The following CCNA2 variants were observed in gnomAD, a reference collection of about 807,000 sequenced individuals.
The protein encoded by CCNA2 is cyclin-A2.
Under a neutral mutation model 49.4 loss-of-function variants are expected in CCNA2, and 3 were observed. The observed-to-expected ratio is 0.06, with a 90% CI of 0.03 to 0.16. The LOEUF is 0.16. CCNA2 is among the 10% of genes least tolerant of loss of function. The probability of loss-of-function intolerance (pLI) is 1.00; values close to 1 mark genes in which losing one functional copy is unlikely to be tolerated. For synonymous variants in CCNA2, 206 were observed against 197.2 expected, an observed-to-expected ratio of 1.04 and a Z score of -0.37; for missense variants, 372 against 519.7, an observed-to-expected ratio of 0.72 and a Z score of 2.76.
At chr4:121,822,724 T>TC in intron 1 of CCNA2, 78 bp from the exon 2 acceptor site, 1 of 1,403,766 alleles carries the variant, frequency 7.1e-7, no homozygotes, top group South Asian at 1.3e-5. Context: ...CTTTGCTTTT[T>TC]CTCCCAAATA....
rs1160455397 is a variant in CCNA2, at chr4:121,820,426, CCTAAAGT to C, written c.794+109_794+115del. The C allele has an allele frequency of 4.4e-6, 3 of 686,198 alleles. No individual in the cohort carries two copies. The highest frequency in any genetic ancestry group is 3.6e-5 in the African/African-American group (2 of 55,200). 42.5% of individuals were successfully genotyped at this position (686,198 alleles called of 1,614,324 possible). ...CCCTAAGCCCCAGCACATTGCCATC[CCTAAAGT>C]AGTCACTGACTCTGCCTGGTGTATG... is the stretch of plus-strand genomic sequence containing the variant. On this transcript the variant is annotated intron_variant, in intron 4 of 7. Transcript: ENST00000274026. This position sits in a 1 kb window ranked among gnomAD's most constrained non-coding sequence, Gnocchi z 4.1.
intron 7 of CCNA2, 79 bp downstream of exon 7, chr4:121,817,965 C>G (rs1724589125): frequency 3.6e-6 from 5 of 1,392,204 alleles, no homozygotes; most frequent in East Asian, 2.3e-5. Context: ...ATGGCAGATT[C>G]ATGAATAAGG....
chr4:121,816,717 A>G lies in CCNA2; in HGVS notation c.*921T>C, dbSNP rs111499975. The G allele has an allele frequency of 1.6e-4, 238 of 1,495,024 alleles. No individual in the cohort carries two copies. In the African/African-American group the frequency reaches 2.8e-3, roughly 18 times the overall value. The allele number at this position is 1,495,024 out of a possible 1,614,324, so 92.6% of individuals were successfully genotyped here. ...AAAACTAAGAAATGCCTCTTATTTC[A>G]ATAATCCAAAACTTAACATACTCTT... On this transcript the variant is annotated 3_prime_UTR_variant, in exon 8 of 8. Transcript: ENST00000274026.
intron 6 of CCNA2, among the ~76,000 whole-genome samples, chr4:121,818,424 C>G (rs757281966): frequency 6.6e-6 from 1 of 152,166 alleles, no homozygotes; most frequent in Non-Finnish European, 1.5e-5. Context: ...TACTACCTAA[C>G]AAACACTGTT....
At chr4:121,823,085 A>C (rs374594775) in intron 1 of CCNA2, among the ~76,000 whole-genome samples, 22 of 152,272 alleles carry the variant, frequency 1.4e-4, no homozygotes, top group African/African-American at 5.3e-4. Flanking sequence ...TCAGAGTCCT[A>C]CAGCAGTGCC....
Position 121,820,911 on chromosome 4 carries a change from A to C in CCNA2, c.570+68T>G. The C allele has an allele frequency of 7.1e-7, 1 of 1,410,692 alleles. No individual in the cohort carries two copies. Among genetic ancestry groups the C allele is most frequent in the Non-Finnish European group, 9.9e-7 (1 of 1,007,550 alleles). The allele number at this position is 1,410,692 out of a possible 1,614,324, so 87.4% of individuals were successfully genotyped here. A position where few individuals can be genotyped will look rare whatever the true frequency, so the allele number is the denominator to read the frequency against. On this transcript the variant is annotated intron_variant, in intron 3 of 7. Transcript: ENST00000274026. The surrounding 1 kb of genome is among the most constrained non-coding windows in gnomAD (Gnocchi z 4.1). Reference sequence around the variant, plus strand: ...TCATTAGTTTAAAAATTTAAACATTATCCTCTCAATTTCATTTAGCCACAT... The same window carrying C: ...TCATTAGTTTAAAAATTTAAACATTCTCCTCTCAATTTCATTTAGCCACAT...
rs1724527944 is a variant in CCNA2 at position 121,816,713 on chromosome 4, T to C, written c.*925A>G. Reference sequence around the variant, plus strand: ...CTGGAAAACTAAGAAATGCCTCTTATTTCAATAATCCAAAACTTAACATAC... The same window carrying C: ...CTGGAAAACTAAGAAATGCCTCTTACTTCAATAATCCAAAACTTAACATAC... On this transcript the variant is annotated 3_prime_UTR_variant, in exon 8 of 8. Coordinates refer to ENST00000274026, the MANE Select transcript of CCNA2 (RefSeq NM_001237.5). 7.4e-6 allele frequency: 11 copies of C among 1,486,802 alleles called. No homozygotes were observed. Among genetic ancestry groups the C allele is most frequent in the South Asian group, 1.4e-5 (1 of 73,088 alleles). The allele number at this position is 1,486,802 out of a possible 1,614,324, so 92.1% of individuals were successfully genotyped here.
In CCNA2 at chr4:121,823,780, C is replaced by G. The variant is rs543567732; in HGVS notation, c.-152G>C. 1 of 1,390,924 alleles carries G rather than the reference C, an allele frequency of 7.2e-7. No homozygotes were observed. The highest frequency in any genetic ancestry group is 1.5e-5 in the African/African-American group (1 of 68,410). 86.2% of individuals were successfully genotyped at this position (1,390,924 alleles called of 1,614,324 possible). On this transcript the variant is annotated 5_prime_UTR_variant, in exon 1 of 8. Coordinates refer to ENST00000274026, the MANE Select transcript of CCNA2 (RefSeq NM_001237.5). ...CCTACCAGCCCGCCCGCTCGCTCAC[C>G]CAGCTCGAGACCACGCAGGGCCGAG...
At chr4:121,818,619 A>G (rs1027630180) in intron 6 of CCNA2, among the ~76,000 whole-genome samples, 181 bp downstream of exon 6, 3 of 152,200 alleles carry the variant, frequency 2.0e-5, no homozygotes, top group African/African-American at 7.2e-5. Context: ...TTGGAAAAAA[A>G]TCCATGTGTA....
At chr4:121,823,372 C>T in intron 1 of CCNA2, 44 bp downstream of exon 1, 1 of 1,562,012 alleles carries the variant, frequency 6.4e-7, no homozygotes, top group Non-Finnish European at 8.7e-7. Flanking sequence ...CAATGCCAAA[C>T]CCTGCTCGAC....
intron 2 of CCNA2, 101 bp downstream of exon 2, chr4:121,822,302 T>C: frequency 8.6e-7 from 1 of 1,166,034 alleles, no homozygotes; most frequent in Non-Finnish European, 1.2e-6. Context: ...TAACTCACTA[T>C]AGTCAAAATG....
chr4:121,816,572 G>A lies in CCNA2; in HGVS notation c.*1066C>T, dbSNP rs1392093817. 2 of 801,890 alleles carry A rather than the reference G, an allele frequency of 2.5e-6. No homozygotes were observed. Among genetic ancestry groups the A allele is most frequent in the Non-Finnish European group, 3.8e-6 (2 of 520,710 alleles). The allele number at this position is 801,890 out of a possible 1,614,324, so 49.7% of individuals were successfully genotyped here. A position where few individuals can be genotyped will look rare whatever the true frequency, so the allele number is the denominator to read the frequency against. ...AAAAAGACATCCCTTTTTCATTAGA[G>A]ATCCATCTGTTCTGTGATTTTTTTA... On this transcript the variant is annotated 3_prime_UTR_variant, in exon 8 of 8. Transcript: ENST00000274026.
rs1724659475 is a variant in CCNA2 at position 121,820,252 on chromosome 4, A to G, written c.794+290T>C. ...CACCGCACCCAGCCTTTACTTCTTA[A>G]TAAAAGAGACACTGCTTATATGCCA... is the stretch of plus-strand genomic sequence containing the variant. On this transcript the variant is annotated intron_variant, in intron 4 of 7. Coordinates refer to ENST00000274026, the MANE Select transcript of CCNA2 (RefSeq NM_001237.5). This position sits in a 1 kb window ranked among gnomAD's most constrained non-coding sequence, Gnocchi z 4.1. Among the ~76,000 whole-genome samples the G allele has an allele frequency of 6.6e-6, 1 of 152,086 alleles. No homozygotes were observed. Among genetic ancestry groups the G allele is most frequent in the Non-Finnish European group, 1.5e-5 (1 of 67,998 alleles).
At position 121,817,010 on chromosome 4, in the gene CCNA2, CCTT is replaced by C. The variant is rs1482266846; in HGVS notation, c.*625_*627del. 2.5e-5 allele frequency: 18 copies of C among 724,024 alleles called. No individual in the cohort carries two copies. The highest frequency in any genetic ancestry group is 3.8e-5 in the Non-Finnish European group (18 of 471,370). The allele number at this position is 724,024 out of a possible 1,614,324, so 44.8% of individuals were successfully genotyped here. A position where few individuals can be genotyped will look rare whatever the true frequency, so the allele number is the denominator to read the frequency against. ...TTTTAATGTGCTTTAAAATAATAAA[CCTT>C]CTGGAGCATTTCTCGTCTGTTAATT... On this transcript the variant is annotated 3_prime_UTR_variant, in exon 8 of 8. Transcript: ENST00000274026.
chr4:121,820,836 T>C lies in CCNA2; in HGVS notation c.571-71A>G. On this transcript the variant is annotated intron_variant, in intron 3 of 7. Transcript: ENST00000274026. The surrounding 1 kb of genome is among the most constrained non-coding windows in gnomAD (Gnocchi z 4.1). ...AACTGCAATTAGATTATTTTACCAT[T>C]AATTACGAGAGGCTACATGCTATAA... 1 of 1,272,970 alleles carries C rather than the reference T, an allele frequency of 7.9e-7. No individual in the cohort carries two copies. Among genetic ancestry groups the C allele is most frequent in the Admixed American group, 1.9e-5 (1 of 52,470 alleles). The allele number at this position is 1,272,970 out of a possible 1,614,324, so 78.9% of individuals were successfully genotyped here.
intron 4 of CCNA2, 133 bp from the exon 5 acceptor site, chr4:121,819,712 C>G (rs1724639722): frequency 3.1e-6 from 2 of 642,386 alleles, no homozygotes; most frequent in Non-Finnish European, 5.5e-6. Context: ...GACACTTGAT[C>G]ATCATTTCTA....
rs1724562969 is a variant in CCNA2 at position 121,817,325 on chromosome 4, C to CTTCT, written c.*309_*312dup. On this transcript the variant is annotated 3_prime_UTR_variant, in exon 8 of 8. Coordinates refer to ENST00000274026, the MANE Select transcript of CCNA2 (RefSeq NM_001237.5). ...CCCATTATATAGTAAACCAAGTAAA[C>CTTCT]TTCTTTACTAAGCAAAATCCTGAAG... is the stretch of plus-strand genomic sequence containing the variant. 3.7e-6 allele frequency: 1 copy of CTTCT among 270,940 alleles called. No individual in the cohort carries two copies. The highest frequency in any genetic ancestry group is 7.7e-5 in the East Asian group (1 of 12,940). 16.8% of individuals were successfully genotyped at this position (270,940 alleles called of 1,614,324 possible).
chr4:121,816,894 A>G lies in CCNA2; in HGVS notation c.*744T>C. The stretch of plus-strand genomic sequence containing the variant: ...TATATCTGTATATATAACTATTAAA[A>G]GGGATATTTATTCCATTCTGAGAAC... On this transcript the variant is annotated 3_prime_UTR_variant, in exon 8 of 8. Coordinates refer to ENST00000274026, the MANE Select transcript of CCNA2 (RefSeq NM_001237.5). The G allele has an allele frequency of 6.8e-7, 1 of 1,476,782 alleles. No individual in the cohort carries two copies. The highest frequency in any genetic ancestry group is 2.6e-5 in the Admixed American group (1 of 39,084). The allele number at this position is 1,476,782 out of a possible 1,614,324, so 91.5% of individuals were successfully genotyped here.
chr4:121,823,530 G>A lies in CCNA2; in HGVS notation c.99C>T (p.Ile33=), dbSNP rs1442970545. 1.9e-6 allele frequency: 3 copies of A among 1,612,914 alleles called. No individual in the cohort carries two copies. The highest frequency in any genetic ancestry group is 2.2e-5 in the East Asian group (1 of 44,866). The change falls in exon 1 of 8, where the codon ATC becomes ATT. Residue 33 remains isoleucine (I), a synonymous_variant. Transcript: ENST00000274026. The stretch of plus-strand genomic sequence containing the variant: ...GGACGGGCGCTGCCTTTTCCGGGTT[G>A]ATATTCTCCTGGTCCTCTTGGAGCG... ...QTALQEDQEN[I]NPEKAAPVQQ... is the part of the protein sequence containing the mutation.
Sources: allele counts gnomAD v4.1 joint callset (sites outside exome capture counted in the v4.1 genomes callset), GRCh38; gene constraint gnomAD v4.1.1; non-coding constraint Gnocchi (gnomAD v3.1); transcripts MANE v1.5; gene names NCBI Gene and HGNC (gene_info 2026-07-23, HGNC 2026-07-21).